SLC4A5: variants seen among roughly 807,000 people sequenced by gnomAD.
The protein encoded by SLC4A5 is electrogenic sodium bicarbonate cotransporter 4.
In SLC4A5, 96 loss-of-function variants were observed where a neutral mutation model predicts 120.4. The ratio of observed to expected loss-of-function variants is 0.80; its 90% CI spans 0.68 to 0.94. The LOEUF is 0.94. Ranked by LOEUF, SLC4A5 falls within the 40% of genes least tolerant of loss-of-function variation. The pLI is 0.00. For synonymous variants in SLC4A5, 550 were observed against 571.1 expected, an observed-to-expected ratio of 0.96 and a Z score of 0.53; for missense variants, 1,259 against 1,459.5, an observed-to-expected ratio of 0.86 and a Z score of 2.24.
intron 4 of SLC4A5, among the ~76,000 whole-genome samples, chr2:74,333,700 T>C (rs979460660): frequency 6.6e-6 from 1 of 152,196 alleles, no homozygotes; most frequent in Non-Finnish European, 1.5e-5. Context: ...TGCTGAGGGA[T>C]GACTGTTTGA....
At position 74,314,945 on chromosome 2, in the gene SLC4A5, C is replaced by A; in HGVS notation, c.79G>T (p.Glu27Ter). ...CATCAAGTCCTCAAAGTGACCTCAC[C>A]TTTCTGATCCGGAAATCTCCTCCTG... Residue 27 changes from glutamate to a stop codon, truncating the protein, a stop_gained and splice_region_variant, in exon 6 of 31, where the codon GAA becomes TAA. Transcript: ENST00000394019. LOFTEE classifies it high-confidence loss of function. 6.2e-7 allele frequency: 1 copy of A among 1,613,710 alleles called. No individual in the cohort carries two copies. The highest frequency in any genetic ancestry group is 8.5e-7 in the Non-Finnish European group (1 of 1,179,652).
intron 5 of SLC4A5, among the ~76,000 whole-genome samples, chr2:74,327,296 C>A (rs549151449): frequency 6.6e-6 from 1 of 152,314 alleles, no homozygotes; most frequent in East Asian, 1.9e-4. Flanking sequence ...TCTAGACCAG[C>A]CAACATGGTG....
At chr2:74,301,431 C>G (rs866312960) in intron 7 of SLC4A5, among the ~76,000 whole-genome samples, 1 of 152,220 alleles carries the variant, frequency 6.6e-6, no homozygotes, top group Non-Finnish European at 1.5e-5. Flanking sequence ...CCCTCATACT[C>G]TGCAGGATGC....
chr2:74,307,570 C>A (rs1051330982), intron 6 of SLC4A5: 12 of 668,694 alleles, frequency 1.8e-5, no homozygotes, highest in Non-Finnish European at 3.3e-5. Context: ...ACAATGTGGG[C>A]ATTGTCCACA....
At chr2:74,252,235 A>G in exon 16 of SLC4A5, 1 of 1,611,046 alleles carries the variant, frequency 6.2e-7, no homozygotes, top group Non-Finnish European at 8.5e-7. Flanking sequence ...TCTCTCCATC[A>G]TCCCCGCTGC....
intron 7 of SLC4A5, among the ~76,000 whole-genome samples, chr2:74,296,344 C>T (rs943766380): frequency 1.3e-5 from 2 of 152,114 alleles, no homozygotes; most frequent in Admixed American, 6.5e-5. Flanking sequence ...TTTATCCTTT[C>T]TCCTTTTTCT....
chr2:74,237,422 T>C (rs1316068009), intron 21 of SLC4A5, among the ~76,000 whole-genome samples: 2 of 152,068 alleles, frequency 1.3e-5, no homozygotes, highest in Non-Finnish European at 2.9e-5. Flanking sequence ...TAAGAGGAGA[T>C]TGAGGGATGT....
chr2:74,324,544 G>A lies in SLC4A5; in HGVS notation c.-3+3576C>T, dbSNP rs991842604. Among the ~76,000 whole-genome samples the A allele has an allele frequency of 3.3e-5, 5 of 152,024 alleles. No homozygotes were observed. In the South Asian group the frequency reaches 6.2e-4, roughly 19 times the overall value. The stretch of plus-strand genomic sequence containing the variant: ...GTTGCTGCTGATGATGCTGATCCAG[G>A]GACCACATTTAAAACCTCTATTTTA... On this transcript the variant is annotated intron_variant, in intron 5 of 30. Coordinates refer to ENST00000394019, the Ensembl canonical transcript of SLC4A5.
intron 14 of SLC4A5, among the ~76,000 whole-genome samples, chr2:74,254,143 G>A (rs1039696905): frequency 1.3e-5 from 2 of 152,214 alleles, no homozygotes; most frequent in African/African-American, 4.8e-5. Context: ...TCTGGGGACA[G>A]AGTGTGACTC....
intron 21 of SLC4A5, among the ~76,000 whole-genome samples, chr2:74,237,094 A>G (rs1670292845): frequency 6.6e-6 from 1 of 151,076 alleles, no homozygotes; most frequent in Non-Finnish European, 1.5e-5. Context: ...CTCCTGCCTC[A>G]GCCTCCCAAG....
At chr2:74,313,157 C>T (rs563523092) in intron 6 of SLC4A5, among the ~76,000 whole-genome samples, 60 of 151,302 alleles carry the variant, frequency 4.0e-4, no homozygotes, top group Admixed American at 1.3e-3. Context: ...GTAGCTTGGA[C>T]TATAGGCACA....
rs567472284 is a variant in SLC4A5 at position 74,232,665 on chromosome 2, G to T, written c.2596-18C>A. 7 of 1,608,762 alleles carry T rather than the reference G, an allele frequency of 4.4e-6. No individual in the cohort carries two copies. The highest frequency in any genetic ancestry group is 5.9e-6 in the Non-Finnish European group (7 of 1,178,584). ...GCAGCCTTCTGCAGGAGCGGGGTTG[G>T]GGGAGGGAGAAGTTTCTGGGGAGCC... On this transcript the variant is annotated intron_variant, in intron 23 of 30. Coordinates refer to ENST00000394019, the Ensembl canonical transcript of SLC4A5.
chr2:74,242,615 T>A (rs1455713586), intron 19 of SLC4A5, among the ~76,000 whole-genome samples: 1 of 147,800 alleles, frequency 6.8e-6, no homozygotes, highest in African/African-American at 2.5e-5. Flanking sequence ...CCTATAAACT[T>A]CCCAGCTCTA....
chr2:74,313,587 G>A (rs930079660), intron 6 of SLC4A5, among the ~76,000 whole-genome samples: 7 of 152,164 alleles, frequency 4.6e-5, no homozygotes, highest in East Asian at 3.8e-4. Flanking sequence ...TGAAGAAAAC[G>A]AAGTGGAGAT....
chr2:74,271,025 C>T (rs1314186115), intron 8 of SLC4A5, among the ~76,000 whole-genome samples: 3 of 152,208 alleles, frequency 2.0e-5, no homozygotes, highest in Admixed American at 1.3e-4. Flanking sequence ...ACATATTCTA[C>T]TACACCAGTG....
chr2:74,227,404 A>G (rs1694883500), intron 26 of SLC4A5: 5 of 1,442,006 alleles, frequency 3.5e-6, no homozygotes, highest in Non-Finnish European at 4.7e-6. Context: ...GTTAATTGTA[A>G]CACAAACTGT....
chr2:74,225,757 A>G (rs1194734837), intron 27 of SLC4A5, among the ~76,000 whole-genome samples: 5 of 152,116 alleles, frequency 3.3e-5, no homozygotes, highest in African/African-American at 1.2e-4. Flanking sequence ...CACTCTGTAC[A>G]TTTGCCAAAA....
chr2:74,289,328 T>A (rs1265732557), intron 7 of SLC4A5, among the ~76,000 whole-genome samples: 1 of 152,140 alleles, frequency 6.6e-6, no homozygotes, highest in African/African-American at 2.4e-5. Context: ...TATTACTTTT[T>A]TTTTTTGAGA....
chr2:74,278,934 C>T (rs1671726568), intron 8 of SLC4A5, among the ~76,000 whole-genome samples: 1 of 152,248 alleles, frequency 6.6e-6, no homozygotes, highest in African/African-American at 2.4e-5. Context: ...CCTACAGTCG[C>T]TTTTCCACCC....
Sources: allele counts gnomAD v4.1 joint callset (sites outside exome capture counted in the v4.1 genomes callset), GRCh38; gene constraint gnomAD v4.1.1; transcripts MANE v1.5; gene names NCBI Gene and HGNC (gene_info 2026-07-23, HGNC 2026-07-21).